The following GABRB1 variants were observed in gnomAD, a reference collection of about 807,000 sequenced individuals.
The protein encoded by GABRB1 is gamma-aminobutyric acid receptor subunit beta-1.
Under a neutral mutation model 51.6 loss-of-function variants are expected in GABRB1, and 17 were observed. The observed-to-expected ratio is 0.33, with a 90% confidence interval of 0.23 to 0.49. GABRB1 has a LOEUF of 0.49. Ranked by LOEUF, GABRB1 falls within the 20% of genes least tolerant of loss-of-function variation. The pLI, the probability that GABRB1 is intolerant of heterozygous loss-of-function variation, is 0.99. For synonymous variants in GABRB1, 247 were observed against 218.9 expected (o/e 1.13, Z -1.14); for missense variants, 410 against 600.6 (o/e 0.68, Z 3.32).
upstream of GABRB1, among the ~76,000 whole-genome samples, chr4:47,030,326 C>A (rs1725248939): frequency 6.6e-6 from 1 of 152,224 alleles, no homozygotes; most frequent in Admixed American, 6.5e-5. Context: ...TGTTTGGTAA[C>A]TCCTGTGTAG....
At chr4:47,054,077 T>G (rs1455116063) in intron 3 of GABRB1, among the ~76,000 whole-genome samples, 1 of 152,116 alleles carries the variant, frequency 6.6e-6, no homozygotes, top group Admixed American at 6.6e-5. Context: ...GCTCATTACC[T>G]GTGTAATATG....
chr4:46,995,328 C>T (rs945039076), intron 1 of GABRB1, among the ~76,000 whole-genome samples: 10 of 152,288 alleles, frequency 6.6e-5, no homozygotes, highest in African/African-American at 2.4e-4. Context: ...ACCACAGATT[C>T]TCCACATATT....
intron 4 of GABRB1, among the ~76,000 whole-genome samples, chr4:47,305,366 A>G (rs1724428409): frequency 6.6e-6 from 1 of 152,158 alleles, no homozygotes; most frequent in Admixed American, 6.6e-5. Flanking sequence ...GATCTTTACC[A>G]TGAATATATT....
At chr4:47,232,146 A>G (rs1325425558) in intron 4 of GABRB1, among the ~76,000 whole-genome samples, 1 of 152,166 alleles carries the variant, frequency 6.6e-6, no homozygotes, top group Non-Finnish European at 1.5e-5. Flanking sequence ...GGTGCTTTTA[A>G]TAAGTTTCCA....
chr4:47,273,350 G>A (rs113544137), intron 4 of GABRB1, among the ~76,000 whole-genome samples: 10 of 152,166 alleles, frequency 6.6e-5, no homozygotes, highest in Non-Finnish European at 2.9e-5. Flanking sequence ...ACTCAGATTT[G>A]TTCTTAAGCT....
intron 3 of GABRB1, among the ~76,000 whole-genome samples, chr4:47,087,110 A>G (rs1191317726): frequency 6.6e-6 from 1 of 152,196 alleles, no homozygotes; most frequent in East Asian, 1.9e-4. Flanking sequence ...CTCTGCCTGC[A>G]TAATTCTCCT....
intron 4 of GABRB1, among the ~76,000 whole-genome samples, chr4:47,315,653 G>A (rs1211700104): frequency 6.6e-6 from 1 of 151,896 alleles, no homozygotes; most frequent in Non-Finnish European, 1.5e-5. Context: ...ACAGTAGACT[G>A]GATAAAGAAA....
intron 4 of GABRB1, among the ~76,000 whole-genome samples, chr4:47,240,193 A>G (rs1721471704): frequency 6.6e-6 from 1 of 152,160 alleles, no homozygotes; most frequent in Non-Finnish European, 1.5e-5. Context: ...CTTGTAGACC[A>G]TTTTCAGATG....
chr4:47,080,608 G>A (rs1004700479), intron 3 of GABRB1, among the ~76,000 whole-genome samples: 17 of 152,076 alleles, frequency 1.1e-4, no homozygotes, highest in African/African-American at 3.6e-4. Flanking sequence ...TTGGAGACAA[G>A]GTCTTGCTAT....
chr4:47,001,348 T>C (rs973495874), intron 1 of GABRB1, among the ~76,000 whole-genome samples: 17 of 152,056 alleles, frequency 1.1e-4, no homozygotes, highest in Admixed American at 2.6e-4. Flanking sequence ...TTCACCGTGT[T>C]AGCCAGGATG....
At chr4:47,207,096 T>A (rs1292862368) in intron 4 of GABRB1, among the ~76,000 whole-genome samples, 1 of 151,932 alleles carries the variant, frequency 6.6e-6, no homozygotes, top group Non-Finnish European at 1.5e-5. Flanking sequence ...AAGGTTTTTA[T>A]GAAGAGACTA....
chr4:47,210,229 G>A (rs1720301660), intron 4 of GABRB1, among the ~76,000 whole-genome samples: 1 of 152,038 alleles, frequency 6.6e-6, no homozygotes, highest in Non-Finnish European at 1.5e-5. Flanking sequence ...ATGTGCTCCA[G>A]GTTTTTGACC....
intron 4 of GABRB1, among the ~76,000 whole-genome samples, chr4:47,278,857 T>A (rs1384849791): frequency 1.3e-5 from 2 of 152,162 alleles, no homozygotes; most frequent in Admixed American, 6.6e-5. Flanking sequence ...AAACAGAAGC[T>A]AGGGTGACAA....
intron 4 of GABRB1, among the ~76,000 whole-genome samples, chr4:47,271,834 T>C (rs1274931905): frequency 1.3e-5 from 2 of 152,218 alleles, no homozygotes; most frequent in Admixed American, 6.5e-5. Context: ...GCCTGCCTCA[T>C]AGTCTCACAA....
chr4:47,387,775 G>T (rs988308588), intron 5 of GABRB1, among the ~76,000 whole-genome samples: 2 of 152,092 alleles, frequency 1.3e-5, no homozygotes, highest in African/African-American at 4.8e-5. Flanking sequence ...TTGTATAGAG[G>T]CTTAACCCCA....
chr4:47,253,586 AT>A (rs1348414676), intron 4 of GABRB1, among the ~76,000 whole-genome samples: 1 of 152,018 alleles, frequency 6.6e-6, no homozygotes, highest in African/African-American at 2.4e-5. Flanking sequence ...ATATATTCAA[AT>A]TTTTTGAATT....
intron 8 of GABRB1, among the ~76,000 whole-genome samples, chr4:47,418,498 A>G (rs904764632): frequency 6.6e-6 from 1 of 152,214 alleles, no homozygotes; most frequent in Non-Finnish European, 1.5e-5. Context: ...CTTTACTTAC[A>G]GTAACTGTAA....
intron 3 of GABRB1, among the ~76,000 whole-genome samples, chr4:47,133,052 A>G (rs1244270186): frequency 6.6e-6 from 1 of 152,132 alleles, no homozygotes; most frequent in African/African-American, 2.4e-5. Context: ...CTATGTCTTA[A>G]TTTTCTTCAG....
At chr4:47,269,245 G>A (rs1487773294) in intron 4 of GABRB1, among the ~76,000 whole-genome samples, 1 of 152,080 alleles carries the variant, frequency 6.6e-6, no homozygotes, top group African/African-American at 2.4e-5. Flanking sequence ...TTCTGCTATG[G>A]CAAGGCTGAA....
Sources: allele counts gnomAD v4.1 joint callset (sites outside exome capture counted in the v4.1 genomes callset), GRCh38; gene constraint gnomAD v4.1.1; transcripts MANE v1.5; gene names NCBI Gene and HGNC (gene_info 2026-07-23, HGNC 2026-07-21).